Variants in CLSTN2 observed in about 807,000 individuals in gnomAD.
CLSTN2 encodes the protein calsyntenin-2.
A neutral mutation model predicts 101.2 loss-of-function variants in CLSTN2; 48 were observed. The ratio of observed to expected loss-of-function variants is 0.47; its 90% CI spans 0.38 to 0.60. CLSTN2 has a LOEUF of 0.60. Among genes scored for constraint, CLSTN2 ranks in the 20% least tolerant of loss-of-function variants. The probability of loss-of-function intolerance (pLI) is 0.00; values close to 1 mark genes in which losing one functional copy is unlikely to be tolerated. For missense variants in CLSTN2, 1,160 were observed against 1,238.2 expected, an observed-to-expected ratio of 0.94 and a Z score of 0.95; for synonymous variants, 481 against 463.6, an observed-to-expected ratio of 1.04 and a Z score of -0.48.
At chr3:140,228,014 T>A (rs1199416767) in intron 2 of CLSTN2, among the ~76,000 whole-genome samples, 2 of 152,322 alleles carry the variant, frequency 1.3e-5, no homozygotes, top group East Asian at 3.9e-4. Flanking sequence ...CTGGAGACAT[T>A]TCCCCCCTTG....
chr3:140,150,745 T>C (rs1416357042), intron 1 of CLSTN2, among the ~76,000 whole-genome samples: 1 of 152,132 alleles, frequency 6.6e-6, no homozygotes, highest in Admixed American at 6.5e-5. Context: ...GCTGCTTTTT[T>C]TTCTTCTCTT....
chr3:140,166,522 C>T (rs1412946035), intron 1 of CLSTN2, among the ~76,000 whole-genome samples: 1 of 152,194 alleles, frequency 6.6e-6, no homozygotes, highest in Non-Finnish European at 1.5e-5. Context: ...TAGCCAGAAA[C>T]GTCATCTTTA....
intron 2 of CLSTN2, among the ~76,000 whole-genome samples, chr3:140,371,198 C>T (rs2087852136): frequency 6.6e-6 from 1 of 152,116 alleles, no homozygotes; most frequent in Non-Finnish European, 1.5e-5. Context: ...CCAGCAGGTA[C>T]CTCTGGAGAC....
chr3:140,070,271 TC>T (rs1372410711), intron 1 of CLSTN2, among the ~76,000 whole-genome samples: 2 of 152,206 alleles, frequency 1.3e-5, no homozygotes, highest in African/African-American at 4.8e-5. Flanking sequence ...TAGACTCTCT[TC>T]CTAGAAAAAT....
intron 4 of CLSTN2, among the ~76,000 whole-genome samples, chr3:140,418,541 G>A (rs1383911086): frequency 4.4e-5 from 6 of 136,620 alleles, no homozygotes; most frequent in Admixed American, 2.3e-4. Context: ...TTTCTGAGAC[G>A]GAGTCTCACT....
intron 10 of CLSTN2, 130 bp from the exon 11 acceptor site, chr3:140,556,383 T>C: frequency 1.3e-6 from 1 of 788,978 alleles, no homozygotes; most frequent in Non-Finnish European, 2.1e-6. Flanking sequence ...TACACACAAC[T>C]GTGTCACTGG....
intron 1 of CLSTN2, among the ~76,000 whole-genome samples, chr3:140,013,985 G>T (rs886276007): frequency 1.3e-5 from 2 of 152,154 alleles, no homozygotes; most frequent in African/African-American, 4.8e-5. Context: ...TGTTCCCTTT[G>T]TTCTGGCTTC....
intron 1 of CLSTN2, among the ~76,000 whole-genome samples, chr3:140,163,143 T>C (rs765696137): frequency 3.9e-5 from 6 of 152,188 alleles, no homozygotes; most frequent in Non-Finnish European, 8.8e-5. Context: ...CTAGTCTAGA[T>C]ATTGCTGCGA....
At chr3:140,243,033 A>G (rs2086484270) in intron 2 of CLSTN2, among the ~76,000 whole-genome samples, 1 of 152,218 alleles carries the variant, frequency 6.6e-6, no homozygotes, top group African/African-American at 2.4e-5. Flanking sequence ...ACTGCAGCCC[A>G]TAGCACATTT....
chr3:140,102,790 A>G (rs1279381000), intron 1 of CLSTN2, among the ~76,000 whole-genome samples: 1 of 152,212 alleles, frequency 6.6e-6, no homozygotes, highest in Non-Finnish European at 1.5e-5. Context: ...GAATAGTTAC[A>G]TGATGACCAG....
intron 1 of CLSTN2, among the ~76,000 whole-genome samples, chr3:140,058,483 C>T (rs180689127): frequency 6.6e-6 from 1 of 152,250 alleles, no homozygotes; most frequent in East Asian, 1.9e-4. Context: ...ATTTGCATGC[C>T]TGGAGCGGAG....
chr3:140,146,905 T>C (rs2009788741), intron 1 of CLSTN2, among the ~76,000 whole-genome samples: 1 of 152,214 alleles, frequency 6.6e-6, no homozygotes, highest in African/African-American at 2.4e-5. Flanking sequence ...CATTTATTCT[T>C]CAACCCTTAT....
At chr3:140,410,860 A>C (rs2088356327) in intron 4 of CLSTN2, among the ~76,000 whole-genome samples, 1 of 152,214 alleles carries the variant, frequency 6.6e-6, no homozygotes, top group Admixed American at 6.5e-5. Flanking sequence ...ATCAGCTTAA[A>C]ATAGACTGGT....
In CLSTN2 at chr3:140,563,147, C is replaced by G; in HGVS notation, c.2426C>G (p.Pro809Arg). The G allele has an allele frequency of 6.2e-7, 1 of 1,614,124 alleles. No individual in the cohort carries two copies. Among genetic ancestry groups the G allele is most frequent in the Non-Finnish European group, 8.5e-7 (1 of 1,180,006 alleles). The change falls in exon 15 of 17, where the codon CCC becomes CGC. Residue 809 changes from proline (P) to arginine (R), a missense_variant. Coordinates refer to ENST00000458420, the MANE Select transcript of CLSTN2 (RefSeq NM_022131.3). ...EHVNHLIVQP[P>R]FLQSVHHPES... is the part of the protein sequence containing the mutation. ...GTCAATCATCTGATTGTGCAGCCTC[C>G]CTTCCTCCAGTCTGTCCATCATCCT... is the stretch of plus-strand genomic sequence containing the variant.
chr3:140,502,819 G>A (rs1576601389), intron 8 of CLSTN2, among the ~76,000 whole-genome samples: 1 of 152,150 alleles, frequency 6.6e-6, no homozygotes, highest in East Asian at 1.9e-4. Flanking sequence ...ATTGTGTGTT[G>A]AGCAAGATGA....
intron 2 of CLSTN2, among the ~76,000 whole-genome samples, chr3:140,384,728 G>A (rs2088031879): frequency 6.6e-6 from 1 of 152,198 alleles, no homozygotes; most frequent in Non-Finnish European, 1.5e-5. Flanking sequence ...CAGTAAAAGA[G>A]TCCATATACT....
In CLSTN2 at chr3:140,537,196, C is replaced by T. The variant is rs570722153; in HGVS notation, c.1507+4710C>T. On this transcript the variant is annotated intron_variant, in intron 9 of 16. Transcript: ENST00000458420. ...TAGCTCCCATTTGTGAAATTTCAGA[C>T]GAGGCTTTAACAATGGAAGTAGAAA... Among the ~76,000 whole-genome samples, 12 of 152,176 alleles carry T rather than the reference C, an allele frequency of 7.9e-5. No individual in the cohort carries two copies. The East Asian group carries it at 1.2e-3, about 15-fold the overall frequency.
chr3:140,388,317 C>T (rs2088076075), intron 2 of CLSTN2, among the ~76,000 whole-genome samples: 1 of 152,176 alleles, frequency 6.6e-6, no homozygotes, highest in Admixed American at 6.5e-5. Flanking sequence ...TTGAATATGG[C>T]TATTGATGGA....
At position 140,157,798 on chromosome 3, in the gene CLSTN2, T is replaced by C. The variant is rs541927823; in HGVS notation, c.110-18153T>C. ...GCTTTGGGGTTAATCCAGTAGAACATAAAAGCTAATACACCATGATCAAGT... is the reference window on the plus strand; with the variant it reads ...GCTTTGGGGTTAATCCAGTAGAACACAAAAGCTAATACACCATGATCAAGT... On this transcript the variant is annotated intron_variant, in intron 1 of 16. Coordinates refer to ENST00000458420, the MANE Select transcript of CLSTN2 (RefSeq NM_022131.3). Among the ~76,000 whole-genome samples, 5 of 152,334 alleles carry C rather than the reference T, an allele frequency of 3.3e-5. No homozygotes were observed. In the East Asian group the frequency reaches 7.7e-4, roughly 23 times the overall value.
Sources: allele counts gnomAD v4.1 joint callset (sites outside exome capture counted in the v4.1 genomes callset), GRCh38; gene constraint gnomAD v4.1.1; transcripts MANE v1.5; gene names NCBI Gene and HGNC (gene_info 2026-07-23, HGNC 2026-07-21).